DLGAP2: variants seen among roughly 807,000 people sequenced by gnomAD.
The protein encoded by DLGAP2 is disks large-associated protein 2.
A neutral mutation model predicts 100.3 loss-of-function variants in DLGAP2; 26 were observed. That is an observed-to-expected ratio of 0.26 (90% CI 0.19 to 0.36). The LOEUF (loss-of-function observed/expected upper bound fraction) is 0.36. Ranked by LOEUF, DLGAP2 falls within the 10% of genes least tolerant of loss-of-function variation. The pLI, the probability that DLGAP2 is intolerant of heterozygous loss-of-function variation, is 1.00. For synonymous variants in DLGAP2, 886 were observed against 630.1 expected (o/e 1.41, Z -6.08); for missense variants, 1,858 against 1,453.2 (o/e 1.28, Z -4.53).
chr8:1,381,088 A>G (rs938234156), intron 3 of DLGAP2: 2 of 152,130 alleles, frequency 1.3e-5, no homozygotes, highest in Non-Finnish European at 2.9e-5. Context: ...AATTAAAAAT[A>G]AAGGTCACGG....
intron 3 of DLGAP2, among the ~76,000 whole-genome samples, chr8:1,385,920 G>A (rs1025814082): frequency 1.3e-5 from 2 of 152,326 alleles, no homozygotes; most frequent in South Asian, 2.1e-4. Flanking sequence ...ACCCTTCTCC[G>A]GGAGCCACGA....
intron 2 of DLGAP2, among the ~76,000 whole-genome samples, chr8:1,188,713 T>TG (rs1229974640): frequency 6.6e-6 from 1 of 152,108 alleles, no homozygotes; most frequent in East Asian, 1.9e-4. Flanking sequence ...GGCAAGCAGA[T>TG]GAACAGTAAT....
intron 1 of DLGAP2, among the ~76,000 whole-genome samples, chr8:785,450 C>T (rs1821824953): frequency 6.7e-6 from 1 of 149,078 alleles, no homozygotes; most frequent in East Asian, 2.0e-4. Context: ...CCTCAGGTCT[C>T]TCTGAGACCG....
chr8:1,132,885 G>C (rs2129049324), intron 2 of DLGAP2, among the ~76,000 whole-genome samples: 2 of 152,364 alleles, frequency 1.3e-5, no homozygotes, highest in Middle Eastern at 6.8e-3. Context: ...TTAAAGAAGA[G>C]AAGCTTTGTT....
chr8:1,268,468 C>T (rs890178634), intron 3 of DLGAP2, among the ~76,000 whole-genome samples: 2 of 152,182 alleles, frequency 1.3e-5, no homozygotes, highest in South Asian at 2.1e-4. Flanking sequence ...TGTGGGATAG[C>T]GTCTGACAGC....
chr8:945,127 T>G (rs1455252220), intron 2 of DLGAP2, among the ~76,000 whole-genome samples: 1 of 152,234 alleles, frequency 6.6e-6, no homozygotes, highest in Admixed American at 6.5e-5. Flanking sequence ...GAGGATTCAG[T>G]GCACAAAACA....
At chr8:965,363 G>A (rs57511244) in intron 2 of DLGAP2, among the ~76,000 whole-genome samples, 592 of 45,714 alleles carry the variant, frequency 0.013, 26 homozygotes, top group Admixed American at 0.024. Context: ...TCCTGAGTCT[G>A]ACCCCTGCGC....
At chr8:1,623,723 T>C (rs1385856066) in intron 6 of DLGAP2, among the ~76,000 whole-genome samples, 1 of 152,266 alleles carries the variant, frequency 6.6e-6, no homozygotes, top group African/African-American at 2.4e-5. Flanking sequence ...GTGCGTCTGA[T>C]GCTGCATTCA....
At chr8:819,129 T>G (rs891499882) in intron 1 of DLGAP2, among the ~76,000 whole-genome samples, 3 of 152,200 alleles carry the variant, frequency 2.0e-5, no homozygotes, top group Admixed American at 1.3e-4. Flanking sequence ...TAAGAATATA[T>G]AAATTTGCTA....
At chr8:1,274,858 C>T (rs1001392511) in intron 3 of DLGAP2, among the ~76,000 whole-genome samples, 4 of 152,118 alleles carry the variant, frequency 2.6e-5, no homozygotes, top group African/African-American at 7.2e-5. Context: ...TTAAAATGCT[C>T]TCTGGCTTTA....
At chr8:1,234,864 A>G (rs1050298522) in intron 2 of DLGAP2, among the ~76,000 whole-genome samples, 25 of 152,248 alleles carry the variant, frequency 1.6e-4, no homozygotes, top group African/African-American at 5.8e-4. Context: ...TCAACACTTA[A>G]CTGTCACAGC....
chr8:920,726 G>A lies in DLGAP2; in HGVS notation c.73+12760G>A, dbSNP rs533581978. Reference sequence around the variant, plus strand: ...TGATCGTGCTTGGGCAATCTGCCCAGCCTGGGCGACAGAGCGGGACTGCAC... The same window carrying A: ...TGATCGTGCTTGGGCAATCTGCCCAACCTGGGCGACAGAGCGGGACTGCAC... On this transcript the variant is annotated intron_variant, in intron 2 of 14. Transcript: ENST00000637795. Among the ~76,000 whole-genome samples the A allele has an allele frequency of 9.8e-5, 15 of 152,348 alleles. 1 individual carries two copies. The highest frequency in any genetic ancestry group is 2.9e-4 in the African/African-American group (12 of 41,574).
chr8:1,103,142 G>A (rs1471497130), intron 2 of DLGAP2, among the ~76,000 whole-genome samples: 1 of 152,106 alleles, frequency 6.6e-6, no homozygotes. Flanking sequence ...GACTCTGGTG[G>A]AGGTAAGAAG....
chr8:1,695,166 G>A lies in DLGAP2; in HGVS notation c.2797-1981G>A, dbSNP rs141593286. ...CCCAGCTGCGGGCGAGGGAGGAGAA[G>A]CCACTCCGCTTCCCCCACACCATCA... On this transcript the variant is annotated intron_variant, in intron 13 of 14. Transcript: ENST00000637795. Among the ~76,000 whole-genome samples, 1,408 of 152,314 alleles carry A rather than the reference G, an allele frequency of 9.2e-3. 9 individuals carry two copies. The highest frequency in any genetic ancestry group is 0.068 in the Middle Eastern group (20 of 294).
At chr8:1,692,793 T>G (rs1050092769) in intron 13 of DLGAP2, among the ~76,000 whole-genome samples, 14 of 151,942 alleles carry the variant, frequency 9.2e-5, no homozygotes, top group Non-Finnish European at 5.9e-5. Context: ...CAGTTGACGT[T>G]AAACTTGGTT....
intron 6 of DLGAP2, among the ~76,000 whole-genome samples, chr8:1,573,589 C>T (rs1802839440): frequency 6.6e-6 from 1 of 150,730 alleles, no homozygotes; most frequent in Non-Finnish European, 1.5e-5. Context: ...TCAATAATAA[C>T]AGCTCGTTTA....
Position 1,346,436 on chromosome 8 carries a change from C to G in DLGAP2, c.106+87553C>G, listed in dbSNP as rs148294079. On this transcript the variant is annotated intron_variant, in intron 3 of 14. Transcript: ENST00000637795. ...GTGTGGAGGTTGAGTTCCCTGTACA[C>G]ATCTGCATTGCTCTCATGGCAGCTA... Among the ~76,000 whole-genome samples the G allele has an allele frequency of 5.6e-3, 766 of 136,014 alleles. 4 individuals carry two copies. The highest frequency in any genetic ancestry group is 0.02 in the African/African-American group (731 of 35,748). The allele number at this position is 136,014 out of a possible 152,430, so 89.2% of individuals were successfully genotyped here.
chr8:1,363,524 C>T (rs567473479), intron 3 of DLGAP2, among the ~76,000 whole-genome samples: 39 of 152,348 alleles, frequency 2.6e-4, no homozygotes, highest in African/African-American at 8.2e-4. Flanking sequence ...GCTCAGGGCA[C>T]GTTTCCCTGC....
intron 1 of DLGAP2, among the ~76,000 whole-genome samples, chr8:857,660 A>G (rs972980071): frequency 1.3e-5 from 2 of 152,178 alleles, no homozygotes; most frequent in Admixed American, 1.3e-4. Context: ...GCCAAGATCC[A>G]GACACTGGCA....
Sources: allele counts gnomAD v4.1 joint callset (sites outside exome capture counted in the v4.1 genomes callset), GRCh38; gene constraint gnomAD v4.1.1; transcripts MANE v1.5; gene names NCBI Gene and HGNC (gene_info 2026-07-23, HGNC 2026-07-21).